MACROD2: variants seen among roughly 807,000 people sequenced by gnomAD.
MACROD2 encodes the protein ADP-ribose glycohydrolase MACROD2.
In MACROD2, 36 loss-of-function variants were observed where a neutral mutation model predicts 70.4. That is an observed-to-expected ratio of 0.51 (90% CI 0.39 to 0.68). The LOEUF (loss-of-function observed/expected upper bound fraction) is 0.68, where lower values mean the gene tolerates loss of function less well. MACROD2 is among the 30% of genes least tolerant of loss of function. The pLI is 0.00. For missense variants in MACROD2, 496 were observed against 538.4 expected (o/e 0.92, Z 0.78); for synonymous variants, 172 against 178.8 (o/e 0.96, Z 0.30).
At chr20:15,683,149 A>G (rs1319938310) in intron 8 of MACROD2, among the ~76,000 whole-genome samples, 1 of 152,218 alleles carries the variant, frequency 6.6e-6, no homozygotes, top group Non-Finnish European at 1.5e-5. Flanking sequence ...AATATTACGA[A>G]TAAATGAACA....
intron 5 of MACROD2, among the ~76,000 whole-genome samples, chr20:15,212,158 A>T (rs562631439): frequency 6.6e-6 from 1 of 152,252 alleles, no homozygotes; most frequent in South Asian, 2.1e-4. Flanking sequence ...TATCTTCTTT[A>T]CAACCATTTC....
chr20:14,820,402 TA>T (rs2072829766), intron 5 of MACROD2, among the ~76,000 whole-genome samples: 1 of 149,322 alleles, frequency 6.7e-6, no homozygotes, highest in Non-Finnish European at 1.5e-5. Flanking sequence ...GTTTTATAAT[TA>T]AAAAGGAATT....
intron 8 of MACROD2, among the ~76,000 whole-genome samples, chr20:15,507,689 G>T (rs2047445962): frequency 6.6e-6 from 1 of 152,060 alleles, no homozygotes; most frequent in South Asian, 2.1e-4. Context: ...TCCAGTGCTT[G>T]GTGTCACCAT....
intron 5 of MACROD2, among the ~76,000 whole-genome samples, chr20:15,022,322 G>A (rs552918009): frequency 1.1e-4 from 17 of 152,016 alleles, no homozygotes; most frequent in Non-Finnish European, 2.1e-4. Flanking sequence ...ACCAATTCAC[G>A]GTCTGAAGTA....
chr20:14,064,256 CTT>C (rs2053727974), intron 2 of MACROD2, among the ~76,000 whole-genome samples: 1 of 152,020 alleles, frequency 6.6e-6, no homozygotes, highest in South Asian at 2.1e-4. Context: ...AGTTTTCTGT[CTT>C]TGGTCCGTTT....
chr20:14,064,212 T>C (rs1352520763), intron 2 of MACROD2, among the ~76,000 whole-genome samples: 1 of 152,188 alleles, frequency 6.6e-6, no homozygotes, highest in Non-Finnish European at 1.5e-5. Context: ...CATGTTCTTT[T>C]CCTTTGCCCT....
chr20:15,067,568 T>G (rs535263933), intron 5 of MACROD2, among the ~76,000 whole-genome samples: 1 of 152,244 alleles, frequency 6.6e-6, no homozygotes, highest in South Asian at 2.1e-4. Context: ...TAGGCTGGTC[T>G]CCAACTCCTG....
intron 6 of MACROD2, among the ~76,000 whole-genome samples, chr20:15,428,723 A>T (rs2046329930): frequency 6.6e-6 from 1 of 152,154 alleles, no homozygotes; most frequent in African/African-American, 2.4e-5. Context: ...TCATTTTCTT[A>T]TGAAGCCTCC....
chr20:14,759,292 T>G (rs2071984102), intron 5 of MACROD2, among the ~76,000 whole-genome samples: 1 of 152,100 alleles, frequency 6.6e-6, no homozygotes, highest in Admixed American at 6.5e-5. Context: ...TTCTACTACA[T>G]AGGAAGCTGC....
At chr20:14,076,900 T>C (rs1347325188) in intron 2 of MACROD2, among the ~76,000 whole-genome samples, 3 of 152,222 alleles carry the variant, frequency 2.0e-5, no homozygotes, top group South Asian at 2.1e-4. Context: ...TAAGAACCAC[T>C]GTACAAGTAA....
intron 3 of MACROD2, among the ~76,000 whole-genome samples, chr20:14,212,125 T>G (rs2081576290): frequency 6.6e-6 from 1 of 152,172 alleles, no homozygotes; most frequent in African/African-American, 2.4e-5. Context: ...ATTGTAGATC[T>G]GTATTCTAAT....
At chr20:15,711,156 C>A (rs2050620192) in intron 8 of MACROD2, among the ~76,000 whole-genome samples, 1 of 152,122 alleles carries the variant, frequency 6.6e-6, no homozygotes, top group South Asian at 2.1e-4. Context: ...GGTAAATAGG[C>A]TTTCAAGGGA....
chr20:14,627,902 G>GA (rs1472658929), intron 4 of MACROD2, among the ~76,000 whole-genome samples: 1 of 152,170 alleles, frequency 6.6e-6, no homozygotes, highest in Non-Finnish European at 1.5e-5. Flanking sequence ...GGACAAAAGG[G>GA]AAAAGCAGAT....
intron 5 of MACROD2, among the ~76,000 whole-genome samples, chr20:15,015,589 T>A (rs942214857): frequency 6.6e-6 from 1 of 152,152 alleles, no homozygotes; most frequent in Non-Finnish European, 1.5e-5. Context: ...TGAAAGCCAC[T>A]GTATTTAGTG....
intron 8 of MACROD2, among the ~76,000 whole-genome samples, chr20:15,519,233 C>G (rs2047617078): frequency 6.6e-6 from 1 of 152,150 alleles, no homozygotes; most frequent in Admixed American, 6.5e-5. Flanking sequence ...GTCTCAGCCT[C>G]CCAAGTAGCT....
intron 3 of MACROD2, chr20:14,128,190 A>C (rs569314720): frequency 1.0e-5 from 4 of 394,156 alleles, no homozygotes; most frequent in Non-Finnish European, 9.9e-6. Flanking sequence ...CCAACAAGGA[A>C]CCAAATCCTA....
intron 3 of MACROD2, among the ~76,000 whole-genome samples, chr20:14,235,102 A>G (rs545819120): frequency 6.6e-6 from 1 of 152,252 alleles, no homozygotes; most frequent in South Asian, 2.1e-4. Flanking sequence ...GAGGAGTCAT[A>G]TTGCTCCAGG....
chr20:14,653,071 T>TA (rs1985761260), intron 4 of MACROD2, among the ~76,000 whole-genome samples: 1 of 152,110 alleles, frequency 6.6e-6, no homozygotes. Context: ...GAGGGCCATA[T>TA]AACTCATATC....
intron 7 of MACROD2, among the ~76,000 whole-genome samples, chr20:15,456,942 A>G (rs1211317662): frequency 2.0e-5 from 3 of 151,656 alleles, no homozygotes; most frequent in South Asian, 4.2e-4. Context: ...CTCACTTTTT[A>G]TGGGCAGTTG....
Sources: allele counts gnomAD v4.1 joint callset (sites outside exome capture counted in the v4.1 genomes callset), GRCh38; gene constraint gnomAD v4.1.1; transcripts MANE v1.5; gene names NCBI Gene and HGNC (gene_info 2026-07-23, HGNC 2026-07-21).